OR5B17: variants seen among roughly 807,000 people sequenced by gnomAD.
OR5B17 encodes olfactory receptor 5B17.
For synonymous variants in OR5B17, 150 were observed against 135.8 expected, an observed-to-expected ratio of 1.10 and a Z score of -0.73; for missense variants, 444 against 378.7, an observed-to-expected ratio of 1.17 and a Z score of -1.43.
In OR5B17 at chr11:58,358,943, T is replaced by A; in HGVS notation, c.127A>T (p.Met43Leu). The A allele has an allele frequency of 1.9e-6, 3 of 1,613,622 alleles. No individual in the cohort carries two copies. The highest frequency in any genetic ancestry group is 2.5e-6 in the Non-Finnish European group (3 of 1,179,822). Reference sequence around the variant, plus strand: ...GAGTCCAGCAGGATTAATATGATCATCCCCAGGTTCCCAGTCAGAGTGATG... The same window carrying A: ...GAGTCCAGCAGGATTAATATGATCAACCCCAGGTTCCCAGTCAGAGTGATG... ...YLITLTGNLGMIILILLDSHL... is the reference protein window; with the variant it reads ...YLITLTGNLGLIILILLDSHL... Residue 43 changes from methionine to leucine, a missense_variant, in exon 1 of 1, where the codon ATG (methionine) becomes TTG (leucine). Physicochemically the swap from Met to Leu is conservative, Grantham distance 15. Transcript: ENST00000357377.
In OR5B17 at chr11:58,358,891, A is replaced by G. The variant is rs1284055402; in HGVS notation, c.179T>C (p.Phe60Ser). ...DSHLHTPMYF[F>S]LSNLSLAGIG... The stretch of plus-strand genomic sequence containing the variant: ...GCCTGCAAGAGACAGGTTACTGAGA[A>G]AAAAGTACATGGGAGTGTGGAGATG... The change falls in exon 1 of 1, where the codon TTT becomes TCT. Residue 60 changes from phenylalanine (F) to serine (S), a missense_variant. Physicochemically the swap from Phe to Ser is radical, Grantham distance 155. Transcript: ENST00000357377. The G allele has an allele frequency of 6.2e-7, 1 of 1,614,028 alleles. No individual in the cohort carries two copies. The highest frequency in any genetic ancestry group is 8.5e-7 in the Non-Finnish European group (1 of 1,180,026).
In OR5B17 at chr11:58,358,312, A is replaced by T. The variant is rs759820129; in HGVS notation, c.758T>A (p.Val253Asp). 4.3e-6 allele frequency: 7 copies of T among 1,613,988 alleles called. No individual in the cohort carries two copies. In the South Asian group the frequency reaches 7.7e-5, roughly 18 times the overall value. Residue 253 changes from valine to aspartate, a missense_variant, in exon 1 of 1, where the codon GTC becomes GAC. By Grantham distance (152) the Val-to-Asp change is radical. Coordinates refer to ENST00000357377, the MANE Select transcript of OR5B17 (RefSeq NM_001005489.2). Reference sequence around the variant, plus strand: ...ACTTGGTCGTATGTACATGATGATGACAGTTATATAAAATAAGAAAATGGC... The same window carrying T: ...ACTTGGTCGTATGTACATGATGATGTCAGTTATATAAAATAAGAAAATGGC... The part of the protein sequence containing the change: ...LIAIFLFYIT[V>D]IIMYIRPSSS...
Position 58,358,157 on chromosome 11 carries a change from T to C in OR5B17, c.913A>G (p.Lys305Glu), listed in dbSNP as rs528792970. 3 of 1,596,746 alleles carry C rather than the reference T, an allele frequency of 1.9e-6. No homozygotes were observed. Among genetic ancestry groups the C allele is most frequent in the East Asian group, 4.5e-5 (2 of 44,696 alleles). Residue 305 changes from lysine to glutamate, a missense_variant, in exon 1 of 1, where the codon AAG becomes GAG. Transcript: ENST00000357377. The part of the protein sequence containing the change: ...VKNAFMKVVE[K>E]AKYSLDSVF Reference sequence around the variant, plus strand: ...ACTGAATCTAGAGAATATTTTGCCTTCTCAACAACCTTCATGAATGCATTC... The same window carrying C: ...ACTGAATCTAGAGAATATTTTGCCTCCTCAACAACCTTCATGAATGCATTC...
In OR5B17 at chr11:58,358,869, T is replaced by A; in HGVS notation, c.201A>T (p.Ala67=). Residue 67 remains alanine, a synonymous_variant, in exon 1 of 1, where the codon GCA becomes GCT. Coordinates refer to ENST00000357377, the MANE Select transcript of OR5B17 (RefSeq NM_001005489.2). ...MYFFLSNLSL[A]GIGYSSAVTP... ...TGACAGCTGAGGAGTAACCAATGCC[T>A]GCAAGAGACAGGTTACTGAGAAAAA... is the stretch of plus-strand genomic sequence containing the variant. The A allele has an allele frequency of 6.2e-7, 1 of 1,614,078 alleles. No homozygotes were observed. Among genetic ancestry groups the A allele is most frequent in the Non-Finnish European group, 8.5e-7 (1 of 1,180,014 alleles).
rs779352650 is a variant in OR5B17, at chr11:58,358,487, A to G, written c.583T>C (p.Leu195=). 11 of 1,613,804 alleles carry G rather than the reference A, an allele frequency of 6.8e-6. No homozygotes were observed. The highest frequency in any genetic ancestry group is 1.6e-4 in the Middle Eastern group (1 of 6,084). Reference sequence around the variant, plus strand: ...AAACTTGATATAAGAACAAGAATCAACTCACTAATGTGTTTCTCAGAGCAG... The same window carrying G: ...AAACTTGATATAAGAACAAGAATCAGCTCACTAATGTGTTTCTCAGAGCAG... ...LTCSEKHISE[L]ILVLISSFNV... The change falls in exon 1 of 1, where the codon TTG becomes CTG. Residue 195 remains leucine (L), a synonymous_variant. Transcript: ENST00000357377.
In OR5B17 at chr11:58,358,213, A is replaced by G. The variant is rs1821811088; in HGVS notation, c.857T>C (p.Ile286Thr). ...YTMIIPMLSPIVYTLRNKDVK... is the reference protein window; with the variant it reads ...YTMIIPMLSPTVYTLRNKDVK... ...GTCTTTGTTCCTCAGGGTATAGACT[A>G]TAGGACTGAGCATGGGGATGATCAT... Residue 286 changes from isoleucine (I) to threonine (T), a missense_variant, in exon 1 of 1, where the codon ATA becomes ACA. Ile to Thr is a moderately conservative substitution (Grantham distance 89). Coordinates refer to ENST00000357377, the MANE Select transcript of OR5B17 (RefSeq NM_001005489.2). 2 of 1,613,772 alleles carry G rather than the reference A, an allele frequency of 1.2e-6. No homozygotes were observed. The highest frequency in any genetic ancestry group is 2.2e-5 in the East Asian group (1 of 44,868).
rs765317790 is a variant in OR5B17 at position 58,358,868 on chromosome 11, C to T, written c.202G>A (p.Gly68Ser). 8.7e-6 allele frequency: 14 copies of T among 1,614,106 alleles called. 2 individuals carry two copies. In the Middle Eastern group the frequency reaches 1.2e-3, roughly 133 times the overall value. Residue 68 changes from glycine (G) to serine (S), a missense_variant, in exon 1 of 1, where the codon GGC (glycine) becomes AGC (serine). Physicochemically the swap from Gly to Ser is moderately conservative, Grantham distance 56 (BLOSUM62 0). Transcript: ENST00000357377. ...YFFLSNLSLA[G>S]IGYSSAVTPK... ...GTGACAGCTGAGGAGTAACCAATGCCTGCAAGAGACAGGTTACTGAGAAAA... is the reference window on the plus strand; with the variant it reads ...GTGACAGCTGAGGAGTAACCAATGCTTGCAAGAGACAGGTTACTGAGAAAA...
At position 58,358,594 on chromosome 11, in the gene OR5B17, C is replaced by G; in HGVS notation, c.476G>C (p.Gly159Ala). ...IGFLNASIQI[G>A]DTFRLSFCMS... Reference sequence around the variant, plus strand: ...GCAGAAAGAGAGGCGAAATGTATCTCCAATTTGGATAGAAGCATTCAGAAA... The same window carrying G: ...GCAGAAAGAGAGGCGAAATGTATCTGCAATTTGGATAGAAGCATTCAGAAA... Residue 159 changes from glycine (G) to alanine (A), a missense_variant, in exon 1 of 1, where the codon GGA becomes GCA. By Grantham distance (60) the Gly-to-Ala change is moderately conservative (BLOSUM62 0). Transcript: ENST00000357377. 7 of 1,614,028 alleles carry G rather than the reference C, an allele frequency of 4.3e-6. No individual in the cohort carries two copies. Among genetic ancestry groups the G allele is most frequent in the Non-Finnish European group, 5.9e-6 (7 of 1,180,000 alleles).
rs767629683 is a variant in OR5B17, at chr11:58,359,049, C to T, written c.21G>A (p.Val7=). 7 of 1,597,768 alleles carry T rather than the reference C, an allele frequency of 4.4e-6. No individual in the cohort carries two copies. Among genetic ancestry groups the T allele is most frequent in the East Asian group, 4.5e-5 (2 of 44,836 alleles). Residue 7 remains valine (V), a synonymous_variant, in exon 1 of 1, where the codon GTG becomes GTA. Transcript: ENST00000357377. MENNTE[V]SEFILLGLTN... ...TTAGACCAAGCAGGATGAATTCACT[C>T]ACCTCTGTATTATTCTCCATGGATG...
Position 58,358,369 on chromosome 11 carries a change from T to C in OR5B17, c.701A>G (p.Lys234Arg). ...LKRHTGKGYQ[K>R]PLSTCGSHLI... Reference sequence around the variant, plus strand: ...GTGAGAACCACAGGTAGATAAAGGCTTCTGGTATCCCTTACCTGTGTGCCT... The same window carrying C: ...GTGAGAACCACAGGTAGATAAAGGCCTCTGGTATCCCTTACCTGTGTGCCT... Residue 234 changes from lysine to arginine, a missense_variant, in exon 1 of 1, where the codon AAG becomes AGG. Lys to Arg is a conservative substitution (Grantham distance 26). Coordinates refer to ENST00000357377, the MANE Select transcript of OR5B17 (RefSeq NM_001005489.2). The C allele has an allele frequency of 6.2e-7, 1 of 1,613,512 alleles. No individual in the cohort carries two copies. Among genetic ancestry groups the C allele is most frequent in the Non-Finnish European group, 8.5e-7 (1 of 1,179,484 alleles).
At position 58,358,911 on chromosome 11, in the gene OR5B17, G is replaced by T. The variant is rs1368712423; in HGVS notation, c.159C>A (p.Leu53=). 1.4e-5 allele frequency: 23 copies of T among 1,613,994 alleles called. No individual in the cohort carries two copies. The highest frequency in any genetic ancestry group is 1.9e-5 in the Non-Finnish European group (23 of 1,180,026). Residue 53 remains leucine (L), a synonymous_variant, in exon 1 of 1, where the codon CTC becomes CTA. Transcript: ENST00000357377. The part of the protein sequence containing the change: ...MIILILLDSH[L]HTPMYFFLSN... ...TGAGAAAAAAGTACATGGGAGTGTG[G>T]AGATGAGAGTCCAGCAGGATTAATA...
rs1340169004 is a variant in OR5B17 at position 58,358,503 on chromosome 11, C to T, written c.567G>A (p.Glu189=). 3 of 1,613,872 alleles carry T rather than the reference C, an allele frequency of 1.9e-6. No individual in the cohort carries two copies. The highest frequency in any genetic ancestry group is 2.2e-5 in the East Asian group (1 of 44,874). ...CAAGAATCAACTCACTAATGTGTTT[C>T]TCAGAGCAGGTCAGAGTAATGACTG... The part of the protein sequence containing the change: ...KPAVITLTCS[E]KHISELILVL... The change falls in exon 1 of 1, where the codon GAG becomes GAA. Residue 189 remains glutamate (E), a synonymous_variant. Transcript: ENST00000357377.
Position 58,358,513 on chromosome 11 carries a change from G to A in OR5B17, c.557C>T (p.Thr186Ile), listed in dbSNP as rs537995226. 46 of 1,614,034 alleles carry A rather than the reference G, an allele frequency of 2.9e-5. 1 individual carries two copies. In the South Asian group the frequency reaches 4.9e-4, roughly 17 times the overall value. Residue 186 changes from threonine (T) to isoleucine (I), a missense_variant, in exon 1 of 1, where the codon ACC becomes ATC. Physicochemically the swap from Thr to Ile is moderately conservative, Grantham distance 89. Transcript: ENST00000357377. ...CTCACTAATGTGTTTCTCAGAGCAG[G>A]TCAGAGTAATGACTGCTGGTTTGTC... The part of the protein sequence containing the change: ...FCDKPAVITL[T>I]CSEKHISELI...
chr11:58,358,921 T>G lies in OR5B17; in HGVS notation c.149A>C (p.Asp50Ala). The change falls in exon 1 of 1, where the codon GAC (aspartate) becomes GCC (alanine). Residue 50 changes from aspartate to alanine, a missense_variant. Physicochemically the swap from Asp to Ala is moderately radical, Grantham distance 126 (BLOSUM62 -2). Coordinates refer to ENST00000357377, the MANE Select transcript of OR5B17 (RefSeq NM_001005489.2). ...NLGMIILILL[D>A]SHLHTPMYFF... ...GTACATGGGAGTGTGGAGATGAGAGTCCAGCAGGATTAATATGATCATCCC... is the reference window on the plus strand; with the variant it reads ...GTACATGGGAGTGTGGAGATGAGAGGCCAGCAGGATTAATATGATCATCCC... The G allele has an allele frequency of 6.2e-7, 1 of 1,613,472 alleles. No homozygotes were observed.
rs1431310040 is a variant in OR5B17 at position 58,358,817 on chromosome 11, T to C, written c.253A>G (p.Ile85Val). The C allele has an allele frequency of 3.7e-6, 6 of 1,613,994 alleles. No individual in the cohort carries two copies. In the Admixed American group the frequency reaches 1.0e-4, roughly 27 times the overall value. Residue 85 changes from isoleucine (I) to valine (V), a missense_variant, in exon 1 of 1, where the codon ATA becomes GTA. Physicochemically the swap from Ile to Val is conservative, Grantham distance 29. Transcript: ENST00000357377. ...CTGTAGGAGATGGCTTTGTCTTCTA[T>C]AAGCAACCCAGTTAAAACCTTTGGA... is the stretch of plus-strand genomic sequence containing the variant. ...VTPKVLTGLL[I>V]EDKAISYSAC...
chr11:58,358,179 A>T lies in OR5B17; in HGVS notation c.891T>A (p.Asn297Lys), dbSNP rs377424824. The change falls in exon 1 of 1, where the codon AAT (asparagine) becomes AAA (lysine). Residue 297 changes from asparagine (N) to lysine (K), a missense_variant. Physicochemically the swap from Asn to Lys is moderately conservative, Grantham distance 94. Coordinates refer to ENST00000357377, the MANE Select transcript of OR5B17 (RefSeq NM_001005489.2). ...CCTTCTCAACAACCTTCATGAATGC[A>T]TTCTTCACGTCTTTGTTCCTCAGGG... ...VYTLRNKDVK[N>K]AFMKVVEKAK... 1 of 1,608,752 alleles carries T rather than the reference A, an allele frequency of 6.2e-7. No homozygotes were observed. Among genetic ancestry groups the T allele is most frequent in the African/African-American group, 1.3e-5 (1 of 74,938 alleles).
chr11:58,358,637 C>CTA lies in OR5B17; in HGVS notation c.431_432dup (p.Gly145Ter). 6.2e-7 allele frequency: 1 copy of CTA among 1,614,002 alleles called. No individual in the cohort carries two copies. The highest frequency in any genetic ancestry group is 8.5e-7 in the Non-Finnish European group (1 of 1,179,988). ...TTCAGAAAACCAATGACATAACAGCCTATAGCCAGACAAGCACACACACGT... is the reference window on the plus strand; with the variant it reads ...TTCAGAAAACCAATGACATAACAGCCTATATAGCCAGACAAGCACACACACGT... On this transcript the variant is annotated frameshift_variant, in exon 1 of 1. Transcript: ENST00000357377. LOFTEE classifies it low-confidence loss of function (END_TRUNC).
chr11:58,358,408 A>T lies in OR5B17; in HGVS notation c.662T>A (p.Ile221Asn). 1 of 1,614,062 alleles carries T rather than the reference A, an allele frequency of 6.2e-7. No individual in the cohort carries two copies. The highest frequency in any genetic ancestry group is 1.3e-5 in the African/African-American group (1 of 75,020). Residue 221 changes from isoleucine to asparagine, a missense_variant, in exon 1 of 1, where the codon ATC (isoleucine) becomes AAC (asparagine). Ile to Asn is a moderately radical substitution (Grantham distance 149). Transcript: ENST00000357377. ...ACCTGTGTGCCTCTTAAGAATGGTG[A>T]TCAATATGAACAGATAGGAAATCAA... ...VTLISYLFILITILKRHTGKG... is the reference protein window; with the variant it reads ...VTLISYLFILNTILKRHTGKG...
At position 58,358,753 on chromosome 11, in the gene OR5B17, G is replaced by T; in HGVS notation, c.317C>A (p.Ala106Asp). 1 of 1,614,152 alleles carries T rather than the reference G, an allele frequency of 6.2e-7. No individual in the cohort carries two copies. Among genetic ancestry groups the T allele is most frequent in the Non-Finnish European group, 8.5e-7 (1 of 1,180,034 alleles). Residue 106 changes from alanine to aspartate, a missense_variant, in exon 1 of 1, where the codon GCC becomes GAC. By Grantham distance (126) the Ala-to-Asp change is moderately radical (BLOSUM62 -2). Coordinates refer to ENST00000357377, the MANE Select transcript of OR5B17 (RefSeq NM_001005489.2). ...AAQMFFCAVF[A>D]TVENYLLSSM... ...GGACAAGAGGTAATTTTCCACAGTG[G>T]CAAAGACTGCACAAAAGAACATCTG...
Sources: gnomAD v4.1 joint callset for allele counts on GRCh38, gnomAD v4.1.1 for gene constraint, MANE v1.5 for transcripts, NCBI Gene and HGNC (gene_info 2026-07-23, HGNC 2026-07-21) for gene names.